The following OSGIN1 variants were observed in gnomAD, a reference collection of about 807,000 sequenced individuals.
OSGIN1 encodes the protein oxidative stress induced growth inhibitor 1.
OSGIN1 carries 19 observed loss-of-function variants against 20.1 expected under a neutral mutation model. The observed-to-expected ratio is 0.95, with a 90% CI of 0.66 to 1.39. OSGIN1 has a LOEUF of 1.39. Among genes scored for constraint, OSGIN1 ranks in the 40% most tolerant of loss-of-function variants. The pLI, the probability that OSGIN1 is intolerant of heterozygous loss-of-function variation, is 0.00. For missense variants in OSGIN1, 820 were observed against 653.0 expected (o/e 1.26, Z -2.79); for synonymous variants, 368 against 297.8 (o/e 1.24, Z -2.43).
In OSGIN1 at chr16:83,959,411, G is replaced by A. The variant is rs1417723413; in HGVS notation, c.204+15G>A. ...TCCTGGACCAGGTGGGTCAGCCTGG[G>A]GCCAGAGCTCTGGGTAGTACATACC... On this transcript the variant is annotated intron_variant, in intron 3 of 5. Transcript: ENST00000393306. 1.2e-6 allele frequency: 2 copies of A among 1,613,072 alleles called. No homozygotes were observed. The highest frequency in any genetic ancestry group is 2.2e-5 in the South Asian group (2 of 91,002).
intron 1 of OSGIN1, among the ~76,000 whole-genome samples, chr16:83,955,346 G>T (rs911369281): frequency 6.6e-6 from 1 of 152,108 alleles, no homozygotes; most frequent in Admixed American, 6.5e-5. Context: ...CTGCCTCCCC[G>T]CCTGCCACTA....
intron 1 of OSGIN1, among the ~76,000 whole-genome samples, chr16:83,956,360 C>G (rs1216845571): frequency 1.3e-5 from 2 of 152,250 alleles, no homozygotes; most frequent in East Asian, 3.8e-4. Flanking sequence ...ACTTCTTCAA[C>G]TCAGATCATT....
intron 1 of OSGIN1, chr16:83,954,181 A>C (rs921071283): frequency 6.6e-6 from 1 of 152,188 alleles, no homozygotes; most frequent in East Asian, 1.9e-4. Context: ...GGATAAGAAC[A>C]CCCACCTCCT....
chr16:83,965,833 G>C lies in OSGIN1; in HGVS notation c.1260G>C (p.Leu420=). 1 of 1,613,034 alleles carries C rather than the reference G, an allele frequency of 6.2e-7. No individual in the cohort carries two copies. The highest frequency in any genetic ancestry group is 8.5e-7 in the Non-Finnish European group (1 of 1,180,004). ...ADFAVDPDQP[L]SAKRNPIDVD... ...TTGCAGTGGATCCTGACCAGCCGCTGAGCGCCAAGAGGAACCCCATTGACG... is the reference window on the plus strand; with the variant it reads ...TTGCAGTGGATCCTGACCAGCCGCTCAGCGCCAAGAGGAACCCCATTGACG... Residue 420 remains leucine, a synonymous_variant, in exon 6 of 6, where the codon CTG becomes CTC. Transcript: ENST00000393306.
chr16:83,960,209 A>T (rs1038599607), intron 3 of OSGIN1, among the ~76,000 whole-genome samples: 1 of 152,226 alleles, frequency 6.6e-6, no homozygotes, highest in Non-Finnish European at 1.5e-5. Flanking sequence ...AAACAGGTAA[A>T]TGATGGCTGC....
chr16:83,959,253 T>C lies in OSGIN1; in HGVS notation c.68-7T>C. The C allele has an allele frequency of 1.2e-6, 2 of 1,612,534 alleles. No homozygotes were observed. The highest frequency in any genetic ancestry group is 1.7e-6 in the Non-Finnish European group (2 of 1,179,208). The stretch of plus-strand genomic sequence containing the variant: ...CACCCCCTTTAACCTCCACCCTCTC[T>C]CCCCAGGTAACGGCCCCTCTGGTAT... On this transcript the variant is annotated splice_region_variant and splice_polypyrimidine_tract_variant and intron_variant, in intron 2 of 5. Transcript: ENST00000393306.
intron 1 of OSGIN1, among the ~76,000 whole-genome samples, chr16:83,955,519 C>T (rs1908885223): frequency 6.6e-6 from 1 of 152,178 alleles, no homozygotes; most frequent in African/African-American, 2.4e-5. Context: ...CTGGTTCAAC[C>T]ACCTTGCAAA....
chr16:83,961,284 A>G (rs987512988), intron 5 of OSGIN1: 28 of 549,250 alleles, frequency 5.1e-5, no homozygotes, highest in African/African-American at 4.6e-4. Context: ...GACATCAATC[A>G]ATATTTGTAA....
rs755464973 is a variant in OSGIN1, at chr16:83,965,857, C to T, written c.1284C>T (p.Asp428=). The T allele has an allele frequency of 2.2e-5, 36 of 1,612,840 alleles. No individual in the cohort carries two copies. Among genetic ancestry groups the T allele is most frequent in the South Asian group, 3.3e-5 (3 of 91,096 alleles). ...QPLSAKRNPI[D]VDPFTYQSTR... is the part of the protein sequence containing the mutation. ...TGAGCGCCAAGAGGAACCCCATTGA[C>T]GTGGACCCCTTCACCTACCAGAGCA... Residue 428 remains aspartate (D), a synonymous_variant, in exon 6 of 6, where the codon GAC becomes GAT. Coordinates refer to ENST00000393306, the MANE Select transcript of OSGIN1 (RefSeq NM_182981.3).
intron 1 of OSGIN1, among the ~76,000 whole-genome samples, chr16:83,956,016 C>T (rs1444481931): frequency 6.6e-6 from 1 of 152,254 alleles, no homozygotes; most frequent in African/African-American, 2.4e-5. Context: ...CATCCTCACC[C>T]TCGGAGCCTC....
chr16:83,958,491 G>C (rs578211099), intron 2 of OSGIN1, among the ~76,000 whole-genome samples: 4 of 152,298 alleles, frequency 2.6e-5, no homozygotes, highest in Non-Finnish European at 4.4e-5. Flanking sequence ...CAGTATGCAG[G>C]CGTCCGATTA....
rs142452879 is a variant in OSGIN1 at position 83,965,886 on chromosome 16, G to A, written c.1313G>A (p.Arg438His). Residue 438 changes from arginine to histidine, a missense_variant, in exon 6 of 6, where the codon CGC becomes CAC. Physicochemically the swap from Arg to His is conservative, Grantham distance 29. Coordinates refer to ENST00000393306, the MANE Select transcript of OSGIN1 (RefSeq NM_182981.3). ...GACCCCTTCACCTACCAGAGCACCC[G>A]CCAGGAGGGCCTGTACGCCATGGGG... ...DVDPFTYQST[R>H]QEGLYAMGPL... is the part of the protein sequence containing the mutation. 6,584 of 1,612,854 alleles carry A rather than the reference G, an allele frequency of 4.1e-3. 280 individuals carry two copies. The Admixed American group carries it at 0.08, about 20-fold the overall frequency.
At chr16:83,962,716 C>G (rs1391582181) in intron 5 of OSGIN1, among the ~76,000 whole-genome samples, 1 of 152,208 alleles carries the variant, frequency 6.6e-6, no homozygotes, top group African/African-American at 2.4e-5. Context: ...AGAGGCGGGA[C>G]AACTCCAGCA....
intron 1 of OSGIN1, among the ~76,000 whole-genome samples, chr16:83,955,359 G>A (rs907035): frequency 0.59 from 89,113 of 151,972 alleles, 26,535 homozygotes; most frequent in East Asian, 0.74. Flanking sequence ...TGCCACTAGC[G>A]CTGCGACAGA....
intron 5 of OSGIN1, among the ~76,000 whole-genome samples, chr16:83,964,441 C>G (rs541897411): frequency 7.6e-4 from 115 of 152,272 alleles, no homozygotes; most frequent in Admixed American, 2.6e-3. Context: ...AGGCCCCCTC[C>G]CAGAAGCCCC....
rs1387821508 is a variant in OSGIN1, at chr16:83,953,277, G to A, written c.-126G>A. The stretch of plus-strand genomic sequence containing the variant: ...ATCCCCACAGGGTAATGGGTGTCCC[G>A]ATCTCGCGGGGGACTCTGTGATCCG... On this transcript the variant is annotated 5_prime_UTR_variant, in exon 1 of 6. Coordinates refer to ENST00000393306, the MANE Select transcript of OSGIN1 (RefSeq NM_182981.3). The A allele has an allele frequency of 7.8e-7, 1 of 1,288,492 alleles. No individual in the cohort carries two copies. Among genetic ancestry groups the A allele is most frequent in the Non-Finnish European group, 1.0e-6 (1 of 988,256 alleles). 79.8% of individuals were successfully genotyped at this position (1,288,492 alleles called of 1,614,324 possible). A position where few individuals can be genotyped will look rare whatever the true frequency, so the allele number is the denominator to read the frequency against.
chr16:83,965,270 C>A lies in OSGIN1; in HGVS notation c.697C>A (p.Gln233Lys). The A allele has an allele frequency of 6.2e-7, 1 of 1,607,614 alleles. No individual in the cohort carries two copies. The highest frequency in any genetic ancestry group is 1.7e-4 in the Middle Eastern group (1 of 6,044). ...SGFLTRNQAQ[Q>K]PFSLWARNVV... is the part of the protein sequence containing the mutation. ...CTTCCTGACCAGGAACCAGGCCCAG[C>A]AGCCCTTCTCGCTGTGGGCCCGCAA... The change falls in exon 6 of 6, where the codon CAG becomes AAG. Residue 233 changes from glutamine (Q) to lysine (K), a missense_variant. Physicochemically the swap from Gln to Lys is moderately conservative, Grantham distance 53. Transcript: ENST00000393306.
In OSGIN1 at chr16:83,965,730, T is replaced by C. The variant is rs1479796891; in HGVS notation, c.1157T>C (p.Val386Ala). 6.2e-7 allele frequency: 1 copy of C among 1,613,346 alleles called. No homozygotes were observed. Among genetic ancestry groups the C allele is most frequent in the Non-Finnish European group, 8.5e-7 (1 of 1,179,924 alleles). Reference sequence around the variant, plus strand: ...CAGGACCTCGAGGGTGTCGAGAAGGTGTTTGGGGTCTCCCTGGTGCTGGTC... The same window carrying C: ...CAGGACCTCGAGGGTGTCGAGAAGGCGTTTGGGGTCTCCCTGGTGCTGGTC... ...VFQDLEGVEK[V>A]FGVSLVLVLI... Residue 386 changes from valine (V) to alanine (A), a missense_variant, in exon 6 of 6, where the codon GTG (valine) becomes GCG (alanine). Transcript: ENST00000393306.
At position 83,965,729 on chromosome 16, in the gene OSGIN1, G is replaced by A. The variant is rs1255861594; in HGVS notation, c.1156G>A (p.Val386Met). 3 of 1,613,654 alleles carry A rather than the reference G, an allele frequency of 1.9e-6. No homozygotes were observed. The highest frequency in any genetic ancestry group is 2.5e-6 in the Non-Finnish European group (3 of 1,180,014). ...CCAGGACCTCGAGGGTGTCGAGAAG[G>A]TGTTTGGGGTCTCCCTGGTGCTGGT... The part of the protein sequence containing the change: ...VFQDLEGVEK[V>M]FGVSLVLVLI... The change falls in exon 6 of 6, where the codon GTG becomes ATG. Residue 386 changes from valine (V) to methionine (M), a missense_variant. Coordinates refer to ENST00000393306, the MANE Select transcript of OSGIN1 (RefSeq NM_182981.3).
Sources: gnomAD v4.1 joint callset for allele counts (sites outside exome capture counted in the v4.1 genomes callset) on GRCh38, gnomAD v4.1.1 for gene constraint, MANE v1.5 for transcripts, NCBI Gene and HGNC (gene_info 2026-07-23, HGNC 2026-07-21) for gene names.